The following UBE2O variants were observed in gnomAD, a reference collection of about 807,000 sequenced individuals.
The protein encoded by UBE2O is (E3-independent) E2 ubiquitin-conjugating enzyme.
UBE2O carries 15 observed loss-of-function variants against 125.8 expected under a neutral mutation model. The observed-to-expected ratio is 0.12, with a 90% CI of 0.08 to 0.18. The LOEUF (loss-of-function observed/expected upper bound fraction) is 0.18, where lower values mean the gene tolerates loss of function less well. UBE2O is among the 10% of genes least tolerant of loss of function. The probability of loss-of-function intolerance (pLI) is 1.00; values close to 1 mark genes in which losing one functional copy is unlikely to be tolerated. For synonymous variants in UBE2O, 708 were observed against 703.2 expected (o/e 1.01, Z -0.11); for missense variants, 1,280 against 1,723.6 (o/e 0.74, Z 4.56).
At chr17:76,419,973 A>G (rs1168342673) in intron 1 of UBE2O, among the ~76,000 whole-genome samples, 2 of 152,104 alleles carry the variant, frequency 1.3e-5, no homozygotes, top group African/African-American at 4.8e-5. Flanking sequence ...CCCCTCCTTC[A>G]TCACCTCCCT....
rs373789259 is a variant in UBE2O, at chr17:76,400,315, G to A, written c.1005-18C>T. ...GCTTCACCCTGGTTGGGGAAGAAGT[G>A]GGGGTGAGCTGGGCTGGACTCCTGG... On this transcript the variant is annotated intron_variant, in intron 7 of 17. Coordinates refer to ENST00000319380, the MANE Select transcript of UBE2O (RefSeq NM_022066.4). This position sits in a 1 kb window ranked among gnomAD's most constrained non-coding sequence, Gnocchi z 4.3. 2.8e-5 allele frequency: 45 copies of A among 1,612,094 alleles called. No individual in the cohort carries two copies. In the African/African-American group the frequency reaches 3.6e-4, roughly 13 times the overall value.
At chr17:76,392,297 G>C (rs1020252432) in intron 15 of UBE2O, among the ~76,000 whole-genome samples, 184 bp from the exon 16 acceptor site, 1 of 152,050 alleles carries the variant, frequency 6.6e-6, no homozygotes, top group East Asian at 1.9e-4. Context: ...TCTCTCTGCA[G>C]AACAGCCTGG....
At chr17:76,408,550 T>C (rs2143745868) in intron 1 of UBE2O, among the ~76,000 whole-genome samples, 1 of 152,320 alleles carries the variant, frequency 6.6e-6, no homozygotes, top group Non-Finnish European at 1.5e-5. Flanking sequence ...GAAAGACTTC[T>C]GGCAGGTCTA....
chr17:76,389,604 C>G lies in UBE2O; in HGVS notation c.*1339G>C, dbSNP rs892003573. 2 of 151,834 alleles carry G rather than the reference C, an allele frequency of 1.3e-5. No homozygotes were observed. The highest frequency in any genetic ancestry group is 2.9e-5 in the Non-Finnish European group (2 of 68,006). The allele number at this position is 151,834 out of a possible 1,614,324, so 9.4% of individuals were successfully genotyped here. A position where few individuals can be genotyped will look rare whatever the true frequency, so the allele number is the denominator to read the frequency against. On this transcript the variant is annotated 3_prime_UTR_variant, in exon 18 of 18. Transcript: ENST00000319380. ...TAAGCAGTAGGCATTCACATCTCCA[C>G]ATGTACAATGCACTGGGAAGCACAG...
chr17:76,439,999 T>C (rs966740864), intron 1 of UBE2O, among the ~76,000 whole-genome samples: 27 of 152,230 alleles, frequency 1.8e-4, no homozygotes, highest in African/African-American at 6.0e-4. Context: ...TCCTAGCACC[T>C]ACTTTGGGCC....
chr17:76,440,363 G>C (rs1339915978), intron 1 of UBE2O, among the ~76,000 whole-genome samples: 1 of 152,078 alleles, frequency 6.6e-6, no homozygotes, highest in East Asian at 1.9e-4. Flanking sequence ...TTGCTCTGTT[G>C]CCTAGGCTTA....
At chr17:76,436,117 T>G (rs761477535) in intron 1 of UBE2O, among the ~76,000 whole-genome samples, 15 of 152,068 alleles carry the variant, frequency 9.9e-5, no homozygotes, top group Admixed American at 7.9e-4. Context: ...CATGGTGGTG[T>G]GCACCTGTAA....
In UBE2O at chr17:76,410,569, T is replaced by G. The variant is rs1285798467; in HGVS notation, c.418-4997A>C. 6.6e-6 allele frequency among the ~76,000 whole-genome samples: 1 copy of G among 152,174 alleles called. No homozygotes were observed. The highest frequency in any genetic ancestry group is 1.5e-5 in the Non-Finnish European group (1 of 68,034). On this transcript the variant is annotated intron_variant, in intron 1 of 17. Transcript: ENST00000319380. The surrounding 1 kb of genome is among the most constrained non-coding windows in gnomAD (Gnocchi z 4.0). ...GAAGGTGGGTCTGCGGACCAGCCTCTGGATACATCAAGTAGGAAAGCAATC... is the reference window on the plus strand; with the variant it reads ...GAAGGTGGGTCTGCGGACCAGCCTCGGGATACATCAAGTAGGAAAGCAATC...
chr17:76,405,708 CT>C lies in UBE2O; in HGVS notation c.418-137del. 1.3e-6 allele frequency: 1 copy of C among 768,070 alleles called. No homozygotes were observed. The highest frequency in any genetic ancestry group is 2.1e-6 in the Non-Finnish European group (1 of 469,610). 47.6% of individuals were successfully genotyped at this position (768,070 alleles called of 1,614,324 possible). ...ATCCTAAGCGTTTGGCTAGCAGTAT[CT>C]TCACAGACCGCACACACCTCCGACC... On this transcript the variant is annotated intron_variant, in intron 1 of 17. Transcript: ENST00000319380. This position sits in a 1 kb window ranked among gnomAD's most constrained non-coding sequence, Gnocchi z 6.1.
In UBE2O at chr17:76,389,660, C is replaced by G. The variant is rs1194420872; in HGVS notation, c.*1283G>C. 1 of 152,202 alleles carries G rather than the reference C, an allele frequency of 6.6e-6. No individual in the cohort carries two copies. Among genetic ancestry groups the G allele is most frequent in the Non-Finnish European group, 1.5e-5 (1 of 68,056 alleles). The allele number at this position is 152,202 out of a possible 1,614,324, so 9.4% of individuals were successfully genotyped here. A position where few individuals can be genotyped will look rare whatever the true frequency, so the allele number is the denominator to read the frequency against. The stretch of plus-strand genomic sequence containing the variant: ...CCAGTCACTCCGGGTGTTTCTCAAA[C>G]AAGATACCGACTCGGTTCCAAATGC... On this transcript the variant is annotated 3_prime_UTR_variant, in exon 18 of 18. Transcript: ENST00000319380.
rs1481725067 is a variant in UBE2O at position 76,453,117 on chromosome 17, G to C, written c.25C>G (p.Pro9Ala). 1.3e-6 allele frequency: 1 copy of C among 790,454 alleles called. No homozygotes were observed. Among genetic ancestry groups the C allele is most frequent in the Non-Finnish European group, 1.8e-6 (1 of 563,762 alleles). 49.0% of individuals were successfully genotyped at this position (790,454 alleles called of 1,614,324 possible). Residue 9 changes from proline (P) to alanine (A), a missense_variant, in exon 1 of 18, where the codon CCC becomes GCC. Pro to Ala is a conservative substitution (Grantham distance 27). Coordinates refer to ENST00000319380, the MANE Select transcript of UBE2O (RefSeq NM_022066.4). ...GCCTGGGCTGGAGCGGGAGCTGCGG[G>C]CGTGGGGGCTGCGGGATCCGCCATA... MADPAAPT[P>A]AAPAPAQAPA...
At chr17:76,434,466 G>A (rs545600248) in intron 1 of UBE2O, among the ~76,000 whole-genome samples, 2 of 152,256 alleles carry the variant, frequency 1.3e-5, no homozygotes, top group South Asian at 2.1e-4. Context: ...TAAAGGACAC[G>A]CCAATAGTCC....
At chr17:76,434,796 A>G (rs1230664030) in intron 1 of UBE2O, among the ~76,000 whole-genome samples, 3 of 148,368 alleles carry the variant, frequency 2.0e-5, no homozygotes, top group Non-Finnish European at 4.5e-5. Flanking sequence ...TTTTTTTTTA[A>G]AAAAACAAAC....
rs780234026 is a variant in UBE2O at position 76,396,136 on chromosome 17, A to G, written c.2801T>C (p.Phe934Ser). The G allele has an allele frequency of 2.5e-6, 4 of 1,611,834 alleles. No homozygotes were observed. In the South Asian group the frequency reaches 3.3e-5, roughly 13 times the overall value. ...AKGEVFSVLEFAPSNHSFKKI... is the reference protein window; with the variant it reads ...AKGEVFSVLESAPSNHSFKKI... ...GGCAAGGGCTGACTCACAGGGTGCA[A>G]ACTCCAGTACGGAGAAGACCTCGCC... Residue 934 changes from phenylalanine (F) to serine (S), a missense_variant, in exon 14 of 18, where the codon TTT becomes TCT. By Grantham distance (155) the Phe-to-Ser change is radical. Around this residue, in one of 10 missense-constraint regions of UBE2O, gnomAD observed 116 missense variants for 154.8 expected, o/e 0.75. Transcript: ENST00000319380. This position sits in a 1 kb window ranked among gnomAD's most constrained non-coding sequence, Gnocchi z 6.7.
At chr17:76,394,053 C>T (rs2072161405) in intron 15 of UBE2O, among the ~76,000 whole-genome samples, 1 of 152,242 alleles carries the variant, frequency 6.6e-6, no homozygotes, top group Non-Finnish European at 1.5e-5. Context: ...TTCCTACAAC[C>T]CAAGAAAAAA....
In UBE2O at chr17:76,399,211, G is replaced by A. The variant is rs1490550392; in HGVS notation, c.1629-220C>T. On this transcript the variant is annotated intron_variant, in intron 9 of 17. Coordinates refer to ENST00000319380, the MANE Select transcript of UBE2O (RefSeq NM_022066.4). The surrounding 1 kb of genome is among the most constrained non-coding windows in gnomAD (Gnocchi z 6.9). Reference sequence around the variant, plus strand: ...TCCACTTGGGAGAGCTCAGGCAAATGTGGTTCCAGAAGGCCAAGCTTAAGG... The same window carrying A: ...TCCACTTGGGAGAGCTCAGGCAAATATGGTTCCAGAAGGCCAAGCTTAAGG... The A allele has an allele frequency of 2.7e-6, 2 of 738,954 alleles. No homozygotes were observed. Among genetic ancestry groups the A allele is most frequent in the South Asian group, 1.9e-5 (1 of 53,574 alleles). 45.8% of individuals were successfully genotyped at this position (738,954 alleles called of 1,614,324 possible).
chr17:76,439,866 A>G, intron 1 of UBE2O, among the ~76,000 whole-genome samples: 1 of 152,078 alleles, frequency 6.6e-6, no homozygotes, highest in East Asian at 1.9e-4. Context: ...CAGCATCTCA[A>G]CTGTGTCCTG....
chr17:76,416,734 T>TTAGGTGA (rs2072622610), intron 1 of UBE2O, among the ~76,000 whole-genome samples: 1 of 152,156 alleles, frequency 6.6e-6, no homozygotes, highest in Non-Finnish European at 1.5e-5. Flanking sequence ...AAATGTCACT[T>TTAGGTGA]CTTGGCTGGG....
intron 1 of UBE2O, among the ~76,000 whole-genome samples, chr17:76,407,802 G>A (rs934945921): frequency 2.0e-5 from 3 of 152,240 alleles, no homozygotes; most frequent in African/African-American, 7.2e-5. Flanking sequence ...GGCAGCAAAT[G>A]CCATTCTTCC....
Sources: gnomAD v4.1 joint callset for allele counts (sites outside exome capture counted in the v4.1 genomes callset) on GRCh38, gnomAD v4.1.1 for gene constraint, gnomAD v4.1.1 regional missense constraint, Gnocchi (gnomAD v3.1) non-coding constraint, MANE v1.5 for transcripts, NCBI Gene and HGNC (gene_info 2026-07-23, HGNC 2026-07-21) for gene names.